The following TCTN1 variants were observed in gnomAD, a reference collection of about 807,000 sequenced individuals.
TCTN1 encodes tectonic-1.
In TCTN1, 58 loss-of-function variants were observed where a neutral mutation model predicts 65.8. The ratio of observed to expected loss-of-function variants is 0.88; its 90% CI spans 0.71 to 1.10. The LOEUF (loss-of-function observed/expected upper bound fraction) is 1.10. TCTN1 is among the 50% of genes least tolerant of loss of function. The pLI, the probability that TCTN1 is intolerant of heterozygous loss-of-function variation, is 0.00. For missense variants in TCTN1, 645 were observed against 719.4 expected (o/e 0.90, Z 1.18); for synonymous variants, 273 against 289.1 (o/e 0.94, Z 0.57).
chr12:110,648,817 TTTTA>T (rs2067609792), intron 14 of TCTN1: 1 of 327,392 alleles, frequency 3.1e-6, no homozygotes, highest in Non-Finnish European at 5.8e-6. Flanking sequence ...ACAGTAGTTG[TTTTA>T]TTTTATACAG....
At chr12:110,629,095 G>A in intron 4 of TCTN1, 177 bp downstream of exon 4, 1 of 744,538 alleles carries the variant, frequency 1.3e-6, no homozygotes, top group South Asian at 1.8e-5. Flanking sequence ...CTGAATATTT[G>A]AAGATGGATT....
At position 110,614,328 on chromosome 12, in the gene TCTN1, C is replaced by A; in HGVS notation, c.146C>A (p.Pro49Gln). The A allele has an allele frequency of 6.2e-7, 1 of 1,605,980 alleles. No individual in the cohort carries two copies. The highest frequency in any genetic ancestry group is 8.5e-7 in the Non-Finnish European group (1 of 1,177,078). The change falls in exon 1 of 15, where the codon CCG (proline) becomes CAG (glutamine). Residue 49 changes from proline (P) to glutamine (Q), a missense_variant. Physicochemically the swap from Pro to Gln is moderately conservative, Grantham distance 76. Coordinates refer to ENST00000397659, the MANE Select transcript of TCTN1 (RefSeq NM_001082538.3). Reference protein sequence around the residue: ...EAALATFGTFPSTRPPGTPRA... With the variant: ...EAALATFGTFQSTRPPGTPRA... ...GCCCTGGCCACCTTCGGAACTTTCC[C>A]GTCGACCAGGCCCCCCGGGACTCCC... is the stretch of plus-strand genomic sequence containing the variant.
At chr12:110,641,446 TA>T in intron 9 of TCTN1, 95 bp from the exon 10 acceptor site, 1 of 1,220,808 alleles carries the variant, frequency 8.2e-7, no homozygotes, top group Non-Finnish European at 1.2e-6. Context: ...TATTGGTTGG[TA>T]ATTCCATATT....
intron 9 of TCTN1, 69 bp downstream of exon 9, chr12:110,641,218 A>C (rs568774289): frequency 6.3e-6 from 10 of 1,597,880 alleles, no homozygotes; most frequent in Middle Eastern, 1.7e-4. Flanking sequence ...TTCTCAGTGG[A>C]TAAAACTGAA....
At chr12:110,632,830 A>G (rs1433487167) in intron 5 of TCTN1, among the ~76,000 whole-genome samples, 1 of 152,080 alleles carries the variant, frequency 6.6e-6, no homozygotes, top group Admixed American at 6.6e-5. Flanking sequence ...CTGCTTGAGC[A>G]CTTGTAGTGA....
Position 110,640,872 on chromosome 12 carries a change from A to G in TCTN1, c.979-152A>G. ...TGTCTGCTAGGGGTGGTGCTGAGGG[A>G]ACACCTCTCATAATCCAACTGGACA... is the stretch of plus-strand genomic sequence containing the variant. On this transcript the variant is annotated intron_variant, in intron 8 of 14. Coordinates refer to ENST00000397659, the MANE Select transcript of TCTN1 (RefSeq NM_001082538.3). The surrounding 1 kb of genome is among the most constrained non-coding windows in gnomAD (Gnocchi z 4.9). 1 of 1,131,106 alleles carries G rather than the reference A, an allele frequency of 8.8e-7. No individual in the cohort carries two copies. Among genetic ancestry groups the G allele is most frequent in the Non-Finnish European group, 1.3e-6 (1 of 760,414 alleles). 70.1% of individuals were successfully genotyped at this position (1,131,106 alleles called of 1,614,324 possible). A position where few individuals can be genotyped will look rare whatever the true frequency, so the allele number is the denominator to read the frequency against.
intron 5 of TCTN1, among the ~76,000 whole-genome samples, chr12:110,633,188 G>A (rs2066342445): frequency 6.6e-6 from 1 of 152,164 alleles, no homozygotes; most frequent in Admixed American, 6.5e-5. Context: ...TGGCCCCCTA[G>A]GCAGTGGAAG....
intron 2 of TCTN1, among the ~76,000 whole-genome samples, chr12:110,623,377 A>C (rs774097404): frequency 5.3e-5 from 8 of 152,146 alleles, no homozygotes; most frequent in African/African-American, 1.9e-4. Flanking sequence ...CCCAGTAAAA[A>C]CGGAATGATA....
chr12:110,623,387 A>G (rs1381303863), intron 2 of TCTN1, among the ~76,000 whole-genome samples: 1 of 152,184 alleles, frequency 6.6e-6, no homozygotes, highest in East Asian at 1.9e-4. Flanking sequence ...ACGGAATGAT[A>G]ATATCCAGTC....
intron 1 of TCTN1, among the ~76,000 whole-genome samples, chr12:110,617,222 C>T (rs773828844): frequency 1.3e-5 from 2 of 152,142 alleles, no homozygotes. Flanking sequence ...GAGAGAAGCA[C>T]TGTAAACTTT....
intron 1 of TCTN1, 115 bp from the exon 2 acceptor site, chr12:110,619,721 G>A (rs1406298557): frequency 6.5e-7 from 1 of 1,545,220 alleles, no homozygotes; most frequent in Non-Finnish European, 8.8e-7. Flanking sequence ...AGTGCAATAG[G>A]AAAAATAAAA....
At chr12:110,646,957 G>T in intron 12 of TCTN1, 1 of 512,436 alleles carries the variant, frequency 2.0e-6, no homozygotes, top group Non-Finnish European at 3.5e-6. Flanking sequence ...AGGTGATGTC[G>T]GCATTTTTAG....
At chr12:110,633,373 C>T (rs1017530658) in intron 5 of TCTN1, among the ~76,000 whole-genome samples, 4 of 152,184 alleles carry the variant, frequency 2.6e-5, no homozygotes, top group South Asian at 2.1e-4. Flanking sequence ...CTGGGTGTGG[C>T]GGCTATGCCT....
At chr12:110,622,422 G>A (rs749885292) in intron 2 of TCTN1, among the ~76,000 whole-genome samples, 3 of 152,112 alleles carry the variant, frequency 2.0e-5, no homozygotes, top group South Asian at 2.1e-4. Flanking sequence ...GCTTACCGTC[G>A]AGTAAGGGAG....
At position 110,638,605 on chromosome 12, in the gene TCTN1, C is replaced by T. The variant is rs58309765; in HGVS notation, c.844-1778C>T. 7.0e-3 allele frequency among the ~76,000 whole-genome samples: 1,066 copies of T among 152,218 alleles called. 20 individuals carry two copies. Among genetic ancestry groups the T allele is most frequent in the African/African-American group, 0.025 (1,022 of 41,534 alleles). ...AGAGGAATCAAGGAAATCAGCACAGCGCTACTGTTTCCTTCTCGGGACAGT... is the reference window on the plus strand; with the variant it reads ...AGAGGAATCAAGGAAATCAGCACAGTGCTACTGTTTCCTTCTCGGGACAGT... On this transcript the variant is annotated intron_variant, in intron 7 of 14. Transcript: ENST00000397659.
intron 4 of TCTN1, among the ~76,000 whole-genome samples, chr12:110,631,271 C>T (rs1031482695): frequency 6.4e-5 from 7 of 109,866 alleles, no homozygotes; most frequent in Non-Finnish European, 1.3e-4. Context: ...GTAATCCGCT[C>T]GCCTCGGCCT....
At chr12:110,648,507 C>CTGCTT (rs2067549919) in intron 14 of TCTN1, among the ~76,000 whole-genome samples, 1 of 152,152 alleles carries the variant, frequency 6.6e-6, no homozygotes, top group South Asian at 2.1e-4. Context: ...CATTCATCCC[C>CTGCTT]TGCTTTGAGT....
chr12:110,614,379 C>G lies in TCTN1; in HGVS notation c.197C>G (p.Pro66Arg), dbSNP rs1433999314. The change falls in exon 1 of 15, where the codon CCC (proline) becomes CGC (arginine). Residue 66 changes from proline (P) to arginine (R), a missense_variant. Coordinates refer to ENST00000397659, the MANE Select transcript of TCTN1 (RefSeq NM_001082538.3). Reference protein sequence around the residue: ...TPRAPGPSSGPRPTPVTDVAV... With the variant: ...TPRAPGPSSGRRPTPVTDVAV... ...AGGGCTCCAGGGCCCTCCTCCGGCC[C>G]CAGGCCTACCCCAGTCACGGACGGT... 6.2e-7 allele frequency: 1 copy of G among 1,602,786 alleles called. No homozygotes were observed. Among genetic ancestry groups the G allele is most frequent in the East Asian group, 2.2e-5 (1 of 44,578 alleles).
intron 14 of TCTN1, 126 bp downstream of exon 14, chr12:110,648,019 T>C: frequency 7.2e-7 from 1 of 1,391,690 alleles, no homozygotes; most frequent in African/African-American, 1.4e-5. Flanking sequence ...TTGCCCAGGC[T>C]GGAGTGCAGT....
Sources: allele counts gnomAD v4.1 joint callset (sites outside exome capture counted in the v4.1 genomes callset), GRCh38; gene constraint gnomAD v4.1.1; non-coding constraint Gnocchi (gnomAD v3.1); transcripts MANE v1.5; gene names NCBI Gene and HGNC (gene_info 2026-07-23, HGNC 2026-07-21).